Variants in ST3GAL4 observed in about 807,000 individuals in gnomAD.
ST3GAL4 encodes the protein ST3 beta-galactoside alpha-2,3-sialyltransferase 4.
Under a neutral mutation model 42.6 loss-of-function variants are expected in ST3GAL4, and 24 were observed. The observed-to-expected ratio is 0.56, with a 90% CI of 0.41 to 0.79. The LOEUF is 0.79. Ranked by LOEUF, ST3GAL4 falls within the 30% of genes least tolerant of loss-of-function variation. The pLI, the probability that ST3GAL4 is intolerant of heterozygous loss-of-function variation, is 0.00. For synonymous variants in ST3GAL4, 135 were observed against 163.2 expected, an observed-to-expected ratio of 0.83 and a Z score of 1.32; for missense variants, 311 against 430.8, an observed-to-expected ratio of 0.72 and a Z score of 2.46.
In ST3GAL4 at chr11:126,391,770, C is replaced by T. The variant is rs529511407; in HGVS notation, c.-60-14326C>T. Among the ~76,000 whole-genome samples the T allele has an allele frequency of 8.5e-5, 13 of 152,204 alleles. No individual in the cohort carries two copies. In the South Asian group the frequency reaches 2.3e-3, roughly 27 times the overall value. ...CTCTCTCTTTGTTGGGCTGGGCCAGCGCTTGAATTGAGAGGGGCTGCCATG... is the reference window on the plus strand; with the variant it reads ...CTCTCTCTTTGTTGGGCTGGGCCAGTGCTTGAATTGAGAGGGGCTGCCATG... On this transcript the variant is annotated intron_variant, in intron 1 of 10. Coordinates refer to ENST00000444328, the MANE Select transcript of ST3GAL4 (RefSeq NM_001254757.2). This position sits in a 1 kb window ranked among gnomAD's most constrained non-coding sequence, Gnocchi z 5.5.
Position 126,411,621 on chromosome 11 carries a change from A to G in ST3GAL4, c.772-1884A>G, listed in dbSNP as rs1478067093. 2.6e-5 allele frequency among the ~76,000 whole-genome samples: 4 copies of G among 152,116 alleles called. No individual in the cohort carries two copies. The highest frequency in any genetic ancestry group is 1.3e-4 in the Admixed American group (2 of 15,278). On this transcript the variant is annotated intron_variant, in intron 9 of 10. Coordinates refer to ENST00000444328, the MANE Select transcript of ST3GAL4 (RefSeq NM_001254757.2). This position sits in a 1 kb window ranked among gnomAD's most constrained non-coding sequence, Gnocchi z 6.3. The stretch of plus-strand genomic sequence containing the variant: ...AGTTCTCATCTGGAAGCTTGGGGGA[A>G]AATTTTGCTTCCAGGCTCATTCTTG...
At chr11:126,401,557 G>GAA (rs751880802) in intron 1 of ST3GAL4, among the ~76,000 whole-genome samples, 1 of 123,868 alleles carries the variant, frequency 8.1e-6, no homozygotes, top group Non-Finnish European at 1.7e-5. Context: ...CTCCCTCTCA[G>GAA]AAAAAAAAAA....
At chr11:126,408,771 G>T (rs970945033) in intron 8 of ST3GAL4, 1 of 513,742 alleles carries the variant, frequency 1.9e-6, no homozygotes, top group East Asian at 3.2e-5. Flanking sequence ...AAAGCTTTCC[G>T]AGTAGGTGTT....
chr11:126,360,484 C>T (rs1378237917), intron 1 of ST3GAL4, among the ~76,000 whole-genome samples: 6 of 152,126 alleles, frequency 3.9e-5, no homozygotes, highest in African/African-American at 1.4e-4. Flanking sequence ...AGTGCAGTGG[C>T]GCGATCTCGG....
At chr11:126,412,577 C>T (rs1280329969) in intron 9 of ST3GAL4, among the ~76,000 whole-genome samples, 1 of 152,194 alleles carries the variant, frequency 6.6e-6, no homozygotes, top group Non-Finnish European at 1.5e-5. Flanking sequence ...CACCATGGCT[C>T]ACGCCTGTAA....
chr11:126,372,768 C>G (rs750681881), intron 1 of ST3GAL4, among the ~76,000 whole-genome samples: 8 of 152,126 alleles, frequency 5.3e-5, no homozygotes, highest in Non-Finnish European at 8.8e-5. Flanking sequence ...CATGAATTTC[C>G]TTTCTTTTTC....
At position 126,386,099 on chromosome 11, in the gene ST3GAL4, A is replaced by G. The variant is rs147884006; in HGVS notation, c.-60-19997A>G. On this transcript the variant is annotated intron_variant, in intron 1 of 10. Transcript: ENST00000444328. This position sits in a 1 kb window ranked among gnomAD's most constrained non-coding sequence, Gnocchi z 4.7. Reference sequence around the variant, plus strand: ...TCTGGAACCTTCTCTTGCCTACCCCATCTTCCCATGGCTGCCCTTCATGTA... The same window carrying G: ...TCTGGAACCTTCTCTTGCCTACCCCGTCTTCCCATGGCTGCCCTTCATGTA... Among the ~76,000 whole-genome samples, 875 of 151,990 alleles carry G rather than the reference A, an allele frequency of 5.8e-3. 8 individuals are homozygous for G. The highest frequency in any genetic ancestry group is 6.0e-3 in the Non-Finnish European group (411 of 67,950).
chr11:126,379,241 A>G lies in ST3GAL4; in HGVS notation c.-61+23399A>G, dbSNP rs998849595. On this transcript the variant is annotated intron_variant, in intron 1 of 10. Coordinates refer to ENST00000444328, the MANE Select transcript of ST3GAL4 (RefSeq NM_001254757.2). This position sits in a 1 kb window ranked among gnomAD's most constrained non-coding sequence, Gnocchi z 4.2. ...CCAATTGCTTTGCTTAGTAGTGAGG[A>G]TGGCTTCATGTTGAGCAGTAGATCT... is the stretch of plus-strand genomic sequence containing the variant. Among the ~76,000 whole-genome samples, 8 of 152,186 alleles carry G rather than the reference A, an allele frequency of 5.3e-5. No individual in the cohort carries two copies. Among genetic ancestry groups the G allele is most frequent in the South Asian group, 2.1e-4 (1 of 4,834 alleles).
At chr11:126,401,892 G>A (rs960609685) in intron 1 of ST3GAL4, among the ~76,000 whole-genome samples, 4 of 152,050 alleles carry the variant, frequency 2.6e-5, no homozygotes, top group Non-Finnish European at 5.9e-5. Flanking sequence ...GAAGGAGGGA[G>A]ATGCAGGGGT....
intron 1 of ST3GAL4, among the ~76,000 whole-genome samples, chr11:126,389,533 G>C (rs1002885022): frequency 6.6e-6 from 1 of 152,040 alleles, no homozygotes; most frequent in Non-Finnish European, 1.5e-5. Context: ...CGCATACTTT[G>C]TTTTTGCAAC....
chr11:126,361,229 G>A (rs1249036802), intron 1 of ST3GAL4, among the ~76,000 whole-genome samples: 4 of 152,224 alleles, frequency 2.6e-5, no homozygotes, highest in Non-Finnish European at 5.9e-5. Flanking sequence ...TCCTGAGAGG[G>A]AGTGACAGCT....
In ST3GAL4 at chr11:126,363,898, C is replaced by G. The variant is rs1952338164; in HGVS notation, c.-61+8056C>G. On this transcript the variant is annotated intron_variant, in intron 1 of 10. Transcript: ENST00000444328. The surrounding 1 kb of genome is among the most constrained non-coding windows in gnomAD (Gnocchi z 4.6). ...CTCCCAGGCCCGGCACCGTGTCGCCCTGCCCCAGCCCAGAGCTTGCCTCTG... is the reference window on the plus strand; with the variant it reads ...CTCCCAGGCCCGGCACCGTGTCGCCGTGCCCCAGCCCAGAGCTTGCCTCTG... 6.6e-6 allele frequency among the ~76,000 whole-genome samples: 1 copy of G among 152,280 alleles called. No individual in the cohort carries two copies. Among genetic ancestry groups the G allele is most frequent in the Non-Finnish European group, 1.5e-5 (1 of 68,054 alleles).
rs545790537 is a variant in ST3GAL4 at position 126,409,480 on chromosome 11, C to T, written c.771+69C>T. On this transcript the variant is annotated intron_variant, in intron 9 of 10. Transcript: ENST00000444328. This position sits in a 1 kb window ranked among gnomAD's most constrained non-coding sequence, Gnocchi z 4.9. ...GAAGTAGGAGGGATGATCCTATGGG[C>T]TTAGGAAGCCCTGGAAGGATCCCAT... 5.9e-5 allele frequency: 95 copies of T among 1,600,104 alleles called. No homozygotes were observed. In the Admixed American group the frequency reaches 8.2e-4, roughly 14 times the overall value.
At chr11:126,370,677 C>G (rs1227830496) in intron 1 of ST3GAL4, among the ~76,000 whole-genome samples, 16 of 144,186 alleles carry the variant, frequency 1.1e-4, no homozygotes, top group Non-Finnish European at 2.0e-4. Context: ...ATCTCCATTC[C>G]TTTTTTTTTT....
chr11:126,407,826 G>A (rs1483932287), intron 6 of ST3GAL4, among the ~76,000 whole-genome samples, 192 bp downstream of exon 6: 1 of 151,952 alleles, frequency 6.6e-6, no homozygotes, highest in Non-Finnish European at 1.5e-5. Context: ...TATTGCAACA[G>A]TGGGGCAGGC....
At chr11:126,402,854 C>T (rs1405753917) in intron 1 of ST3GAL4, among the ~76,000 whole-genome samples, 3 of 152,210 alleles carry the variant, frequency 2.0e-5, no homozygotes, top group African/African-American at 7.2e-5. Flanking sequence ...CATCTTGGTT[C>T]CTGGCAGAGC....
intron 1 of ST3GAL4, among the ~76,000 whole-genome samples, chr11:126,390,563 A>C (rs1191529862): frequency 1.4e-5 from 2 of 147,838 alleles, no homozygotes; most frequent in Non-Finnish European, 3.0e-5. Flanking sequence ...GCATCTTTTC[A>C]TATGTCCACC....
chr11:126,388,679 T>TTTTTTTTTTC (rs1239186575), intron 1 of ST3GAL4, among the ~76,000 whole-genome samples: 4,862 of 122,258 alleles, frequency 0.04, 143 homozygotes, highest in South Asian at 0.055. Flanking sequence ...TTTTTTTTTT[T>TTTTTTTTTTC]TTCTGATTTA....
Position 126,400,623 on chromosome 11 carries a change from G to A in ST3GAL4, c.-60-5473G>A, listed in dbSNP as rs150161713. On this transcript the variant is annotated intron_variant, in intron 1 of 10. Transcript: ENST00000444328. This position sits in a 1 kb window ranked among gnomAD's most constrained non-coding sequence, Gnocchi z 4.6. Reference sequence around the variant, plus strand: ...GACCTTGGCTTCATGTAAGGAGTGCGGAGTGAGTGAAGCAAGAGGGTGATT... The same window carrying A: ...GACCTTGGCTTCATGTAAGGAGTGCAGAGTGAGTGAAGCAAGAGGGTGATT... Among the ~76,000 whole-genome samples, 219 of 152,302 alleles carry A rather than the reference G, an allele frequency of 1.4e-3. No homozygotes were observed. The highest frequency in any genetic ancestry group is 5.1e-3 in the African/African-American group (214 of 41,562).
Sources: gnomAD v4.1 joint callset for allele counts (sites outside exome capture counted in the v4.1 genomes callset) on GRCh38, gnomAD v4.1.1 for gene constraint, Gnocchi (gnomAD v3.1) non-coding constraint, MANE v1.5 for transcripts, NCBI Gene and HGNC (gene_info 2026-07-23, HGNC 2026-07-21) for gene names.